VAV3: variants seen among roughly 807,000 people sequenced by gnomAD.
The protein encoded by VAV3 is guanine nucleotide exchange factor VAV3.
VAV3 carries 94 observed loss-of-function variants against 131.2 expected under a neutral mutation model. The ratio of observed to expected loss-of-function variants is 0.72; its 90% CI spans 0.61 to 0.85. The LOEUF is 0.85. Ranked by LOEUF, VAV3 falls within the 40% of genes least tolerant of loss-of-function variation. The pLI is 0.00. For missense variants in VAV3, 939 were observed against 1,002.7 expected (o/e 0.94, Z 0.86); for synonymous variants, 349 against 342.0 (o/e 1.02, Z -0.22).
At chr1:107,667,067 T>C (rs1291814700) in intron 19 of VAV3, among the ~76,000 whole-genome samples, 4 of 152,234 alleles carry the variant, frequency 2.6e-5, no homozygotes, top group Admixed American at 2.0e-4. Flanking sequence ...GACAACAGCA[T>C]GGCTATGGCC....
At chr1:107,921,993 C>T (rs1202785252) in intron 1 of VAV3, among the ~76,000 whole-genome samples, 2 of 152,336 alleles carry the variant, frequency 1.3e-5, no homozygotes, top group African/African-American at 2.4e-5. Flanking sequence ...GCCTCACAAA[C>T]ATGACCCAAG....
At chr1:107,884,800 C>T (rs1211457503) in intron 1 of VAV3, among the ~76,000 whole-genome samples, 2 of 151,864 alleles carry the variant, frequency 1.3e-5, no homozygotes, top group African/African-American at 4.8e-5. Flanking sequence ...AAAAATATGG[C>T]ACAATCTACA....
At chr1:107,752,304 G>A (rs1340067851) in intron 12 of VAV3, among the ~76,000 whole-genome samples, 1 of 152,116 alleles carries the variant, frequency 6.6e-6, no homozygotes, top group African/African-American at 2.4e-5. Context: ...AATAAAGGTA[G>A]ACCCTTCATT....
intron 2 of VAV3, among the ~76,000 whole-genome samples, chr1:107,845,593 A>G (rs887158904): frequency 3.9e-5 from 6 of 152,120 alleles, no homozygotes; most frequent in African/African-American, 1.4e-4. Context: ...ACCAGTTTTG[A>G]GAAGAACATA....
intron 2 of VAV3, among the ~76,000 whole-genome samples, chr1:107,833,003 T>C (rs1668318672): frequency 6.6e-6 from 1 of 152,156 alleles, no homozygotes; most frequent in Non-Finnish European, 1.5e-5. Flanking sequence ...AAATACATGA[T>C]TTTTTTCGCA....
intron 1 of VAV3, among the ~76,000 whole-genome samples, chr1:107,900,979 T>C (rs1671831378): frequency 6.6e-6 from 1 of 152,210 alleles, no homozygotes; most frequent in Non-Finnish European, 1.5e-5. Flanking sequence ...AGAGACTCAG[T>C]AATAACTGTG....
chr1:107,708,915 C>A lies in VAV3; in HGVS notation c.1503-3854G>T, dbSNP rs960375295. 4.6e-5 allele frequency among the ~76,000 whole-genome samples: 7 copies of A among 152,084 alleles called. No homozygotes were observed. In the East Asian group the frequency reaches 1.4e-3, roughly 29 times the overall value. ...CCTCCTCAAAAACTCAGGTTCCATA[C>A]AAACACATATACACACCCGCACACC... On this transcript the variant is annotated intron_variant, in intron 15 of 26. Coordinates refer to ENST00000370056, the MANE Select transcript of VAV3 (RefSeq NM_006113.5).
intron 2 of VAV3, among the ~76,000 whole-genome samples, chr1:107,802,906 A>C (rs10785829): frequency 1 from 149,582 of 149,624 alleles, 74,770 homozygotes; most frequent in Middle Eastern, 1. Context: ...TTGAAGAGTT[A>C]GAGTTGAATT....
intron 2 of VAV3, among the ~76,000 whole-genome samples, chr1:107,836,019 G>C (rs1324049017): frequency 6.6e-6 from 1 of 152,160 alleles, no homozygotes; most frequent in African/African-American, 2.4e-5. Flanking sequence ...TAACACTGGA[G>C]CATCCAGATT....
chr1:107,709,811 C>A (rs1419315328), intron 15 of VAV3, among the ~76,000 whole-genome samples: 1 of 152,202 alleles, frequency 6.6e-6, no homozygotes, highest in Admixed American at 6.5e-5. Context: ...CCCCTTCTAC[C>A]ATGACTATAA....
chr1:107,916,746 G>A (rs1183075056), intron 1 of VAV3, among the ~76,000 whole-genome samples: 1 of 152,152 alleles, frequency 6.6e-6, no homozygotes, highest in Non-Finnish European at 1.5e-5. Flanking sequence ...ACTAGAACAA[G>A]TGTCTAGAAT....
chr1:107,576,431 A>T, intron 25 of VAV3: 1 of 1,525,036 alleles, frequency 6.6e-7, no homozygotes, highest in Non-Finnish European at 8.8e-7. Flanking sequence ...ACAAAGCTGT[A>T]GTCTGGAGGA....
Position 107,760,876 on chromosome 1 carries a change from A to C in VAV3, c.925T>G (p.Cys309Gly). The change falls in exon 10 of 27, where the codon TGT becomes GGT. Residue 309 changes from cysteine (C) to glycine (G), a missense_variant. Physicochemically the swap from Cys to Gly is radical, Grantham distance 159. Transcript: ENST00000370056. ...TTCCCATTATTTGCTCTTTTGGAAC[A>C]TTCCTAATGAAATGTTTTAAAAACA... ...KEDVKLKLEE[C>G]SKRANNGKFT... is the part of the protein sequence containing the mutation. The C allele has an allele frequency of 1.2e-6, 2 of 1,612,362 alleles. No individual in the cohort carries two copies. The highest frequency in any genetic ancestry group is 8.5e-7 in the Non-Finnish European group (1 of 1,178,684).
chr1:107,702,353 G>A (rs2494065), intron 17 of VAV3, among the ~76,000 whole-genome samples: 50,417 of 152,018 alleles, frequency 0.33, 9,401 homozygotes, highest in African/African-American at 0.51. Context: ...TTGACACGTG[G>A]GGATTACAAT....
intron 20 of VAV3, among the ~76,000 whole-genome samples, chr1:107,627,725 G>A (rs1271811555): frequency 1.3e-5 from 2 of 152,088 alleles, no homozygotes; most frequent in Non-Finnish European, 2.9e-5. Context: ...AGGAAACAAT[G>A]TTAAGTAGTT....
intron 1 of VAV3, among the ~76,000 whole-genome samples, chr1:107,963,948 C>A (rs913727290): frequency 6.6e-6 from 1 of 152,200 alleles, no homozygotes; most frequent in Non-Finnish European, 1.5e-5. Flanking sequence ...AGGAGCCGAC[C>A]GGCACCACAG....
intron 2 of VAV3, among the ~76,000 whole-genome samples, chr1:107,853,910 G>T (rs544242478): frequency 4.5e-4 from 68 of 152,288 alleles, no homozygotes; most frequent in African/African-American, 1.6e-3. Context: ...CACTCTTTCA[G>T]ATCTGAACCC....
At chr1:107,802,656 A>G (rs1570974558) in intron 2 of VAV3, among the ~76,000 whole-genome samples, 2 of 152,058 alleles carry the variant, frequency 1.3e-5, no homozygotes, top group African/African-American at 2.4e-5. Flanking sequence ...ATTAATTTGC[A>G]TATGTTGAAC....
chr1:107,668,718 T>A (rs1008838920), intron 19 of VAV3: 1 of 984,818 alleles, frequency 1.0e-6, no homozygotes, highest in East Asian at 1.1e-4. Context: ...AGGAGGAAAC[T>A]AACAATTCTA....
Sources: allele counts gnomAD v4.1 joint callset (sites outside exome capture counted in the v4.1 genomes callset), GRCh38; gene constraint gnomAD v4.1.1; transcripts MANE v1.5; gene names NCBI Gene and HGNC (gene_info 2026-07-23, HGNC 2026-07-21).